Variants in CCDC187 observed in about 807,000 individuals in gnomAD.
CCDC187 encodes the protein coiled-coil domain-containing protein 187.
A neutral mutation model predicts 38.0 loss-of-function variants in CCDC187; 32 were observed. The observed-to-expected ratio is 0.84, with a 90% CI of 0.64 to 1.13. The LOEUF (loss-of-function observed/expected upper bound fraction) is 1.13. Among genes scored for constraint, CCDC187 ranks in the 50% most tolerant of loss-of-function variants. The pLI is 0.00. For synonymous variants in CCDC187, 333 were observed against 347.9 expected (o/e 0.96, Z 0.48); for missense variants, 707 against 786.8 (o/e 0.90, Z 1.21).
In CCDC187 at chr9:136,292,145, G is replaced by C. The variant is rs1831346656; in HGVS notation, c.967+16C>G. On this transcript the variant is annotated intron_variant, in intron 5 of 25. Coordinates refer to ENST00000638797, the MANE Select transcript of CCDC187 (RefSeq NM_001378188.1). ...ACAGCAGAGCAGGACAGAGCCCATG[G>C]CAGAGGCACAGGTACCTAAGTCCAC... 1 of 398,566 alleles carries C rather than the reference G, an allele frequency of 2.5e-6. No homozygotes were observed. The highest frequency in any genetic ancestry group is 4.4e-6 in the Non-Finnish European group (1 of 226,118). 24.7% of individuals were successfully genotyped at this position (398,566 alleles called of 1,614,324 possible). A position where few individuals can be genotyped will look rare whatever the true frequency, so the allele number is the denominator to read the frequency against.
chr9:136,272,633 G>A (rs1830859069), intron 14 of CCDC187, among the ~76,000 whole-genome samples: 1 of 152,044 alleles, frequency 6.6e-6, no homozygotes, highest in African/African-American at 2.4e-5. Context: ...AACCTGCAAG[G>A]TGGAGGTTGC....
At position 136,285,586 on chromosome 9, in the gene CCDC187, C is replaced by T. The variant is rs917085320; in HGVS notation, c.2854G>A (p.Val952Met). 1,457 of 400,414 alleles carry T rather than the reference C, an allele frequency of 3.6e-3. 3 individuals carry two copies. Among genetic ancestry groups the T allele is most frequent in the Non-Finnish European group, 4.9e-3 (1,105 of 226,942 alleles). The allele number at this position is 400,414 out of a possible 1,614,324, so 24.8% of individuals were successfully genotyped here. ...AGCCTTTTGTCTGGTTTCACGTCCA[C>T]GTGTCCCTCCTCTGGAAAACCTTGG... ...KPRGFPEEGH[V>M]DVKPDKRLQR... The change falls in exon 9 of 26, where the codon GTG becomes ATG. Residue 952 changes from valine (V) to methionine (M), a missense_variant. Val to Met is a conservative substitution (Grantham distance 21, BLOSUM62 1). Transcript: ENST00000638797.
intron 14 of CCDC187, among the ~76,000 whole-genome samples, chr9:136,269,620 C>T (rs1363168476): frequency 5.3e-5 from 8 of 151,988 alleles, no homozygotes; most frequent in Admixed American, 2.0e-4. Flanking sequence ...TGCACTCCAG[C>T]CTGGCAACAG....
intron 10 of CCDC187, chr9:136,281,300 G>A (rs1831034999): frequency 1.0e-5 from 4 of 397,826 alleles, no homozygotes; most frequent in Non-Finnish European, 1.8e-5. Context: ...GGGCATGGCT[G>A]TCATGAAATA....
Position 136,291,506 on chromosome 9 carries a change from C to CTG in CCDC187, c.1105_1106dup (p.Gln369HisfsTer63), listed in dbSNP as rs1473703503. 1.0e-5 allele frequency: 4 copies of CTG among 398,564 alleles called. No homozygotes were observed. Among genetic ancestry groups the CTG allele is most frequent in the Non-Finnish European group, 1.8e-5 (4 of 226,142 alleles). The allele number at this position is 398,564 out of a possible 1,614,324, so 24.7% of individuals were successfully genotyped here. A position where few individuals can be genotyped will look rare whatever the true frequency, so the allele number is the denominator to read the frequency against. On this transcript the variant is annotated frameshift_variant, in exon 6 of 26. Coordinates refer to ENST00000638797, the MANE Select transcript of CCDC187 (RefSeq NM_001378188.1). LOFTEE classifies it high-confidence loss of function. Reference sequence around the variant, plus strand: ...GGTCTTGTAGGATGGCCATGGCCGTCTGTATGGTCGCTGGCTGGTCGAAGG... The same window carrying CTG: ...GGTCTTGTAGGATGGCCATGGCCGTCTGTGTATGGTCGCTGGCTGGTCGAAGG...
rs1223477262 is a variant in CCDC187, at chr9:136,290,573, C to A, written c.2040G>T (p.Arg680Ser). 2 of 398,930 alleles carry A rather than the reference C, an allele frequency of 5.0e-6. No individual in the cohort carries two copies. Among genetic ancestry groups the A allele is most frequent in the Non-Finnish European group, 8.8e-6 (2 of 226,414 alleles). The allele number at this position is 398,930 out of a possible 1,614,324, so 24.7% of individuals were successfully genotyped here. A position where few individuals can be genotyped will look rare whatever the true frequency, so the allele number is the denominator to read the frequency against. Reference protein sequence around the residue: ...RRLQEVYRQQREAVLGRAVPV... With the variant: ...RRLQEVYRQQSEAVLGRAVPV... ...GGACCGCCCTGCCGAGGACGGCCTC[C>A]CTCTGCTGCCGGTAGACCTCCTGCA... Residue 680 changes from arginine to serine, a missense_variant, in exon 6 of 26, where the codon AGG becomes AGT. By Grantham distance (110) the Arg-to-Ser change is moderately radical. Transcript: ENST00000638797.
chr9:136,301,984 G>T (rs1831696719), intron 2 of CCDC187, among the ~76,000 whole-genome samples: 2 of 151,950 alleles, frequency 1.3e-5, no homozygotes, highest in Non-Finnish European at 1.5e-5. Context: ...GGCCGAGGTG[G>T]GCGGATCATG....
intron 9 of CCDC187, among the ~76,000 whole-genome samples, chr9:136,284,519 G>A (rs1831125331): frequency 6.6e-6 from 1 of 152,116 alleles, no homozygotes; most frequent in African/African-American, 2.4e-5. Flanking sequence ...CCTCATCCAG[G>A]GTGCTTCCGT....
In CCDC187 at chr9:136,293,177, AC is replaced by A. The variant is rs1831383761; in HGVS notation, c.833-883del. Among the ~76,000 whole-genome samples the A allele has an allele frequency of 5.6e-5, 6 of 107,388 alleles. 1 individual carries two copies. The highest frequency in any genetic ancestry group is 2.4e-4 in the African/African-American group (6 of 24,784). The allele number at this position is 107,388 out of a possible 152,430, so 70.5% of individuals were successfully genotyped here. A position where few individuals can be genotyped will look rare whatever the true frequency, so the allele number is the denominator to read the frequency against. ...CACATGCTCACACACTCACATGCTC[AC>A]ACACACTCACATGCTCACACACTCA... On this transcript the variant is annotated intron_variant, in intron 4 of 25. Coordinates refer to ENST00000638797, the MANE Select transcript of CCDC187 (RefSeq NM_001378188.1).
In CCDC187 at chr9:136,257,458, T is replaced by C. The variant is rs1830627776; in HGVS notation, c.4367-617A>G. 6.6e-6 allele frequency among the ~76,000 whole-genome samples: 1 copy of C among 152,154 alleles called. No homozygotes were observed. Among genetic ancestry groups the C allele is most frequent in the Admixed American group, 6.5e-5 (1 of 15,282 alleles). ...GGGGAAACCTTTTGCCAGAGCTTGT[T>C]CTTCCCCCTCGGTGCCGTCCGACAG... is the stretch of plus-strand genomic sequence containing the variant. On this transcript the variant is annotated intron_variant, in intron 22 of 25. Transcript: ENST00000638797. This position sits in a 1 kb window ranked among gnomAD's most constrained non-coding sequence, Gnocchi z 4.5.
chr9:136,293,319 A>G (rs953949094), intron 4 of CCDC187, among the ~76,000 whole-genome samples: 25 of 147,526 alleles, frequency 1.7e-4, no homozygotes, highest in African/African-American at 5.9e-4. Flanking sequence ...ACACACTCAC[A>G]CTCACATGCT....
At chr9:136,276,789 C>G (rs940817932) in intron 10 of CCDC187, 62 bp from the exon 11 acceptor site, 1 of 152,446 alleles carries the variant, frequency 6.6e-6, no homozygotes, top group Non-Finnish European at 1.5e-5. Flanking sequence ...CTCCCCTCGC[C>G]GCTGCCTTAG....
Position 136,266,027 on chromosome 9 carries a change from T to A in CCDC187, c.3664A>T (p.Arg1222Trp). ...AGCGCGGCCAGCACAGCTCTGTCCC[T>A]CTTGCTGTCCAGGCACCTGGGGGGA... The part of the protein sequence containing the change: ...EHRRGCLDSK[R>W]DRAVLAALVE... Residue 1222 changes from arginine (R) to tryptophan (W), a missense_variant, in exon 17 of 26, where the codon AGG becomes TGG. Transcript: ENST00000638797. 2 of 985,540 alleles carry A rather than the reference T, an allele frequency of 2.0e-6. No individual in the cohort carries two copies. The highest frequency in any genetic ancestry group is 2.4e-6 in the Non-Finnish European group (2 of 830,000). 61.0% of individuals were successfully genotyped at this position (985,540 alleles called of 1,614,324 possible).
chr9:136,265,869 G>T, intron 17 of CCDC187, 87 bp downstream of exon 17: 1 of 646,766 alleles, frequency 1.5e-6, no homozygotes, highest in Non-Finnish European at 1.9e-6. Context: ...TCTGTTGCTG[G>T]GGAATGTTCA....
chr9:136,260,957 G>A (rs915192993), intron 19 of CCDC187, among the ~76,000 whole-genome samples: 3 of 152,204 alleles, frequency 2.0e-5, no homozygotes, highest in Admixed American at 6.5e-5. Flanking sequence ...TCCAGGGCCC[G>A]GCACTCAGCC....
In CCDC187 at chr9:136,285,587, G is replaced by A. The variant is rs949944833; in HGVS notation, c.2853C>T (p.His951=). 1.8e-4 allele frequency: 74 copies of A among 400,436 alleles called. No homozygotes were observed. The highest frequency in any genetic ancestry group is 1.0e-3 in the Admixed American group (23 of 22,770). 24.8% of individuals were successfully genotyped at this position (400,436 alleles called of 1,614,324 possible). The change falls in exon 9 of 26, where the codon CAC becomes CAT. Residue 951 remains histidine, a synonymous_variant. Transcript: ENST00000638797. ...SKPRGFPEEG[H]VDVKPDKRLQ... ...GCCTTTTGTCTGGTTTCACGTCCAC[G>A]TGTCCCTCCTCTGGAAAACCTTGGA...
At chr9:136,288,233 A>G (rs1252373391) in intron 7 of CCDC187, among the ~76,000 whole-genome samples, 3 of 152,176 alleles carry the variant, frequency 2.0e-5, no homozygotes, top group Non-Finnish European at 4.4e-5. Context: ...GGACATTGAC[A>G]GATGCAGCCC....
Position 136,252,496 on chromosome 9 carries a change from C to A in CCDC187, c.*1098G>T, listed in dbSNP as rs1424812361. The A allele has an allele frequency of 1.0e-5, 2 of 196,896 alleles. No homozygotes were observed. Among genetic ancestry groups the A allele is most frequent in the African/African-American group, 4.8e-5 (2 of 41,502 alleles). The allele number at this position is 196,896 out of a possible 1,614,324, so 12.2% of individuals were successfully genotyped here. ...CCACCCGGTCCACCCTGGGAAGGTC[C>A]AGGCGACCATCCTGCACAGCCGGCC... On this transcript the variant is annotated 3_prime_UTR_variant, in exon 26 of 26. Transcript: ENST00000638797.
In CCDC187 at chr9:136,251,081, A is replaced by C. The variant is rs1554759330; in HGVS notation, c.*2513T>G. ...AGTATGCTCCTCTCTGAAGTGGAGG[A>C]GGCCTGAGGCCCTGGACAGGAGAAG... On this transcript the variant is annotated 3_prime_UTR_variant, in exon 26 of 26. Coordinates refer to ENST00000638797, the MANE Select transcript of CCDC187 (RefSeq NM_001378188.1). 2 of 454,050 alleles carry C rather than the reference A, an allele frequency of 4.4e-6. No individual in the cohort carries two copies. Among genetic ancestry groups the C allele is most frequent in the South Asian group, 1.5e-5 (1 of 64,526 alleles). 28.1% of individuals were successfully genotyped at this position (454,050 alleles called of 1,614,324 possible). A position where few individuals can be genotyped will look rare whatever the true frequency, so the allele number is the denominator to read the frequency against.
Sources: allele counts gnomAD v4.1 joint callset (sites outside exome capture counted in the v4.1 genomes callset), GRCh38; gene constraint gnomAD v4.1.1; non-coding constraint Gnocchi (gnomAD v3.1); transcripts MANE v1.5; gene names NCBI Gene and HGNC (gene_info 2026-07-23, HGNC 2026-07-21).